Variants in KCNIP1 observed in about 807,000 individuals in gnomAD.
KCNIP1 encodes the protein A-type potassium channel modulatory protein KCNIP1.
A neutral mutation model predicts 33.0 loss-of-function variants in KCNIP1; 18 were observed. That is an observed-to-expected ratio of 0.55 (90% CI 0.38 to 0.81). The LOEUF is 0.81. Among genes scored for constraint, KCNIP1 ranks in the 30% least tolerant of loss-of-function variants. The pLI is 0.00. For missense variants in KCNIP1, 238 were observed against 271.6 expected (o/e 0.88, Z 0.87); for synonymous variants, 93 against 98.3 (o/e 0.95, Z 0.32).
intron 1 of KCNIP1, among the ~76,000 whole-genome samples, chr5:170,443,760 A>G (rs926045938): frequency 6.6e-6 from 1 of 152,256 alleles, no homozygotes; most frequent in African/African-American, 2.4e-5. Flanking sequence ...TGTTGAGGAC[A>G]TCTCATGATG....
chr5:170,378,931 G>A (rs769171810), intron 1 of KCNIP1: 11 of 1,614,130 alleles, frequency 6.8e-6, no homozygotes, highest in South Asian at 3.3e-5. Flanking sequence ...ACGTCGGCCC[G>A]GGCCGTCTGG....
chr5:170,529,569 C>T (rs1435776008), intron 1 of KCNIP1, among the ~76,000 whole-genome samples: 2 of 152,222 alleles, frequency 1.3e-5, no homozygotes, highest in Non-Finnish European at 2.9e-5. Flanking sequence ...TAACATCACA[C>T]TGAGGCACCA....
rs377523625 is a variant in KCNIP1 at position 170,504,511 on chromosome 5, C to A, written c.-62C>A. The A allele has an allele frequency of 3.2e-5, 52 of 1,606,124 alleles. No homozygotes were observed. Among genetic ancestry groups the A allele is most frequent in the South Asian group, 4.4e-5 (4 of 90,952 alleles). On this transcript the variant is annotated 5_prime_UTR_variant, in exon 1 of 8. Transcript: ENST00000328939. This position sits in a 1 kb window ranked among gnomAD's most constrained non-coding sequence, Gnocchi z 6.0. ...CAGAGTAGACAAACCACGGGGATTT[C>A]TTTCCAGGGTAGGGGAGGGGCCGGG...
At chr5:170,566,381 C>G (rs575042283) in intron 1 of KCNIP1, among the ~76,000 whole-genome samples, 1 of 152,344 alleles carries the variant, frequency 6.6e-6, no homozygotes, top group African/African-American at 2.4e-5. Context: ...GCGTTAGCCA[C>G]CGCGCCCGGC....
chr5:170,455,788 A>G lies in KCNIP1; in HGVS notation c.88+101824A>G, dbSNP rs78384752. Among the ~76,000 whole-genome samples, 1,225 of 152,326 alleles carry G rather than the reference A, an allele frequency of 8.0e-3. 18 individuals carry two copies. The highest frequency in any genetic ancestry group is 0.028 in the African/African-American group (1,176 of 41,572). ...ATATAAAAATTTATGCAATATAGCTAAAGCAATGCTTAGAGGGAAATTTAT... is the reference window on the plus strand; with the variant it reads ...ATATAAAAATTTATGCAATATAGCTGAAGCAATGCTTAGAGGGAAATTTAT... On this transcript the variant is annotated intron_variant, in intron 1 of 7. Transcript: ENST00000377360.
intron 5 of KCNIP1, 70 bp from the exon 6 acceptor site, chr5:170,732,730 A>C (rs1369740897): frequency 8.8e-6 from 9 of 1,023,022 alleles, no homozygotes; most frequent in East Asian, 2.4e-5. Context: ...AAGGAGCCCC[A>C]AACTCTGTCA....
chr5:170,463,187 A>C (rs1194644396), intron 1 of KCNIP1, among the ~76,000 whole-genome samples: 3 of 152,218 alleles, frequency 2.0e-5, no homozygotes, highest in Non-Finnish European at 2.9e-5. Context: ...GTCATTTTAA[A>C]ACTTCCCACA....
intron 1 of KCNIP1, among the ~76,000 whole-genome samples, chr5:170,455,219 G>A (rs188074747): frequency 6.6e-6 from 1 of 152,116 alleles, no homozygotes. Context: ...CACCAACTAG[G>A]CCTAATGGAT....
chr5:170,592,254 C>T (rs1268217095), intron 1 of KCNIP1, among the ~76,000 whole-genome samples: 2 of 152,076 alleles, frequency 1.3e-5, no homozygotes, highest in South Asian at 2.1e-4. Flanking sequence ...CATGTTCTTA[C>T]TGACCTTTTA....
intron 1 of KCNIP1, among the ~76,000 whole-genome samples, chr5:170,365,371 G>A (rs528674673): frequency 5.4e-4 from 82 of 152,282 alleles, no homozygotes; most frequent in South Asian, 1.9e-3. Context: ...TAGCAAGGCC[G>A]CCCATGTTCC....
intron 1 of KCNIP1, among the ~76,000 whole-genome samples, chr5:170,441,957 A>G (rs1581196298): frequency 7.7e-6 from 1 of 129,898 alleles, no homozygotes; most frequent in African/African-American, 2.6e-5. Flanking sequence ...ATCTCAAAAA[A>G]AAAAAAAAAA....
intron 1 of KCNIP1, among the ~76,000 whole-genome samples, chr5:170,523,687 GC>G (rs1424543469): frequency 5.3e-5 from 8 of 152,050 alleles, no homozygotes. Context: ...ATCCACCCCT[GC>G]CCATTAGCAC....
intron 1 of KCNIP1, among the ~76,000 whole-genome samples, chr5:170,493,345 C>G (rs543751941): frequency 2.2e-4 from 33 of 152,270 alleles, no homozygotes; most frequent in African/African-American, 7.9e-4. Context: ...AGCAGAAATT[C>G]ATGAGATATT....
At chr5:170,677,828 G>A (rs1291630646) in intron 1 of KCNIP1, among the ~76,000 whole-genome samples, 9 of 150,538 alleles carry the variant, frequency 6.0e-5, no homozygotes, top group Non-Finnish European at 7.4e-5. Context: ...GACCTAAGGG[G>A]AAAAAAAAAT....
chr5:170,606,821 A>C (rs1230945422), intron 1 of KCNIP1, among the ~76,000 whole-genome samples: 1 of 152,210 alleles, frequency 6.6e-6, no homozygotes, highest in Admixed American at 6.5e-5. Flanking sequence ...CTCATGATGA[A>C]TGCAGCATCC....
In KCNIP1 at chr5:170,621,757, C is replaced by A. The variant is rs181887249; in HGVS notation, c.62-97001C>A. Among the ~76,000 whole-genome samples the A allele has an allele frequency of 2.1e-3, 322 of 152,304 alleles. 3 individuals carry two copies. Among genetic ancestry groups the A allele is most frequent in the South Asian group, 1.7e-3 (8 of 4,820 alleles). On this transcript the variant is annotated intron_variant, in intron 1 of 7. Coordinates refer to ENST00000328939, the MANE Select transcript of KCNIP1 (RefSeq NM_014592.4). ...TTCCTAGGCTTGAGTGATCCTCCCG[C>A]CTTGGACTCCCAAAGTGCTGGGATT... is the stretch of plus-strand genomic sequence containing the variant.
At chr5:170,649,929 A>T (rs1241142686) in intron 1 of KCNIP1, among the ~76,000 whole-genome samples, 3 of 152,236 alleles carry the variant, frequency 2.0e-5, no homozygotes, top group Non-Finnish European at 2.9e-5. Context: ...CATAACAAAA[A>T]GAAGTTGGGG....
intron 1 of KCNIP1, among the ~76,000 whole-genome samples, chr5:170,625,171 C>G (rs755313847): frequency 4.6e-5 from 7 of 152,156 alleles, no homozygotes; most frequent in Non-Finnish European, 8.8e-5. Flanking sequence ...GCCCCTTAAA[C>G]CTGCTCACCT....
chr5:170,545,521 T>C (rs1186219538), intron 1 of KCNIP1, among the ~76,000 whole-genome samples: 1 of 152,230 alleles, frequency 6.6e-6, no homozygotes, highest in African/African-American at 2.4e-5. Flanking sequence ...AGACCTTTGA[T>C]AATGCCCCAT....
Sources: gnomAD v4.1 joint callset for allele counts (sites outside exome capture counted in the v4.1 genomes callset) on GRCh38, gnomAD v4.1.1 for gene constraint, Gnocchi (gnomAD v3.1) non-coding constraint, MANE v1.5 for transcripts, NCBI Gene and HGNC (gene_info 2026-07-23, HGNC 2026-07-21) for gene names.